DGKG: variants seen among roughly 807,000 people sequenced by gnomAD.
DGKG encodes the protein diacylglycerol kinase gamma.
A neutral mutation model predicts 105.3 loss-of-function variants in DGKG; 78 were observed. That is an observed-to-expected ratio of 0.74 (90% CI 0.62 to 0.89). The LOEUF (loss-of-function observed/expected upper bound fraction) is 0.89, where lower values mean the gene tolerates loss of function less well. Among genes scored for constraint, DGKG ranks in the 40% least tolerant of loss-of-function variants. DGKG has a pLI of 0.00. For missense variants in DGKG, 958 were observed against 1,020.1 expected, an observed-to-expected ratio of 0.94 and a Z score of 0.83; for synonymous variants, 346 against 367.1, an observed-to-expected ratio of 0.94 and a Z score of 0.66.
At chr3:186,269,977 A>C (rs1303776715) in intron 11 of DGKG, among the ~76,000 whole-genome samples, 1 of 152,080 alleles carries the variant, frequency 6.6e-6, no homozygotes, top group East Asian at 1.9e-4. Context: ...TCACTCAAAA[A>C]TTTTCACTAT....
rs573496866 is a variant in DGKG at position 186,241,066 on chromosome 3, A to G, written c.1826+1438T>C. ...GCTGTGGCAGGATGCACTTCCTAAA[A>G]GGTTCGTTCAGCTGCTATCGGATCC... On this transcript the variant is annotated intron_variant, in intron 20 of 24. Transcript: ENST00000265022. Among the ~76,000 whole-genome samples the G allele has an allele frequency of 2.6e-5, 4 of 152,200 alleles. No individual in the cohort carries two copies. The East Asian group carries it at 7.7e-4, about 29-fold the overall frequency.
chr3:186,238,292 T>TAAAA (rs5855085), intron 20 of DGKG, among the ~76,000 whole-genome samples: 9 of 81,216 alleles, frequency 1.1e-4, no homozygotes, highest in Admixed American at 4.9e-4. Context: ...TGACTCTTTC[T>TAAAA]AAAAAAAAAA....
intron 24 of DGKG, chr3:186,161,118 C>T (rs1210204564): frequency 2.0e-6 from 2 of 988,650 alleles, no homozygotes; most frequent in Non-Finnish European, 2.4e-6. Context: ...TGTCTGTGCT[C>T]TGCGAGGAAT....
In DGKG at chr3:186,229,530, C is replaced by T. The variant is rs553651165; in HGVS notation, c.1826+12974G>A. On this transcript the variant is annotated intron_variant, in intron 20 of 24. Transcript: ENST00000265022. ...AAAGTGCTGGGATTACAGGCATGAG[C>T]CACTGCGCCAGGCCAGACATGCAGC... 5.9e-5 allele frequency among the ~76,000 whole-genome samples: 9 copies of T among 152,324 alleles called. No individual in the cohort carries two copies. The South Asian group carries it at 1.9e-3, about 32-fold the overall frequency.
intron 23 of DGKG, among the ~76,000 whole-genome samples, chr3:186,162,671 C>A (rs1237738423): frequency 2.6e-5 from 4 of 151,966 alleles, no homozygotes; most frequent in African/African-American, 9.7e-5. Context: ...TCCCGAGTAA[C>A]TGGGACTATA....
chr3:186,148,886 C>T lies in DGKG; in HGVS notation c.*1204G>A, dbSNP rs1715620174. On this transcript the variant is annotated 3_prime_UTR_variant, in exon 25 of 25. Transcript: ENST00000265022. ...TGGGGGAGTGAGAACCTTCTTTTTCCTTACCACTTTCTGTCTCATACTACC... is the reference window on the plus strand; with the variant it reads ...TGGGGGAGTGAGAACCTTCTTTTTCTTTACCACTTTCTGTCTCATACTACC... 1.0e-6 allele frequency: 1 copy of T among 983,610 alleles called. No individual in the cohort carries two copies. Among genetic ancestry groups the T allele is most frequent in the South Asian group, 4.7e-5 (1 of 21,258 alleles). The allele number at this position is 983,610 out of a possible 1,614,324, so 60.9% of individuals were successfully genotyped here.
chr3:186,358,701 G>T (rs1727095186), intron 1 of DGKG, among the ~76,000 whole-genome samples: 1 of 150,902 alleles, frequency 6.6e-6, no homozygotes. Context: ...CTTATAAAGT[G>T]ACATCAGCTC....
intron 15 of DGKG, among the ~76,000 whole-genome samples, chr3:186,260,742 C>T (rs1721732734): frequency 6.6e-6 from 1 of 152,214 alleles, no homozygotes; most frequent in Admixed American, 6.5e-5. Flanking sequence ...ACCTAGACTC[C>T]AGCTCCTAAG....
At chr3:186,185,889 G>A (rs999665005) in intron 22 of DGKG, among the ~76,000 whole-genome samples, 13 of 151,924 alleles carry the variant, frequency 8.6e-5, no homozygotes, top group Admixed American at 8.5e-4. Context: ...CTGAGGGCAG[G>A]AGTTTGAGAC....
At chr3:186,320,372 G>T in intron 2 of DGKG, 21 bp downstream of exon 2, 1 of 1,613,890 alleles carries the variant, frequency 6.2e-7, no homozygotes, top group South Asian at 1.1e-5. Flanking sequence ...CCGTCCCAGG[G>T]CTGTCAATGC....
At chr3:186,344,154 A>C (rs1439771247) in intron 1 of DGKG, among the ~76,000 whole-genome samples, 1 of 152,258 alleles carries the variant, frequency 6.6e-6, no homozygotes, top group Non-Finnish European at 1.5e-5. Flanking sequence ...AAATTAGTTC[A>C]ACCATTGTGG....
chr3:186,292,109 C>T (rs974796294), intron 5 of DGKG, among the ~76,000 whole-genome samples: 2 of 152,172 alleles, frequency 1.3e-5, no homozygotes. Context: ...AAAATGCCAA[C>T]ACCCTCTTCC....
chr3:186,261,084 T>C (rs1033056242), intron 15 of DGKG, among the ~76,000 whole-genome samples: 10 of 152,220 alleles, frequency 6.6e-5, no homozygotes, highest in African/African-American at 2.4e-4. Flanking sequence ...AGGGGTGTCC[T>C]GCCCCTTGGA....
At chr3:186,262,125 G>A (rs539992570) in intron 14 of DGKG, among the ~76,000 whole-genome samples, 5 of 152,152 alleles carry the variant, frequency 3.3e-5, no homozygotes, top group Non-Finnish European at 5.9e-5. Flanking sequence ...AAGCACGGCC[G>A]TCTGATCATA....
intron 1 of DGKG, among the ~76,000 whole-genome samples, chr3:186,355,996 A>G (rs4686764): frequency 0.31 from 47,502 of 152,046 alleles, 7,782 homozygotes; most frequent in East Asian, 0.47. Flanking sequence ...TGACAAGATT[A>G]TTGGACGGAA....
At chr3:186,239,141 C>T (rs1443053187) in intron 20 of DGKG, among the ~76,000 whole-genome samples, 3 of 152,170 alleles carry the variant, frequency 2.0e-5, no homozygotes, top group East Asian at 3.8e-4. Flanking sequence ...GAATCAGCAA[C>T]GTGAATGATT....
At position 186,361,984 on chromosome 3, in the gene DGKG, G is replaced by C. The variant is rs1727253262; in HGVS notation, c.-287C>G. The C allele has an allele frequency of 6.6e-6, 1 of 152,290 alleles. No homozygotes were observed. Among genetic ancestry groups the C allele is most frequent in the African/African-American group, 2.4e-5 (1 of 41,448 alleles). 9.4% of individuals were successfully genotyped at this position (152,290 alleles called of 1,614,324 possible). Reference sequence around the variant, plus strand: ...ACTTGGTTGCGCGGTGGCCCGGGGCGCTCCTTCTTCGCGGTTTATTCCCTT... The same window carrying C: ...ACTTGGTTGCGCGGTGGCCCGGGGCCCTCCTTCTTCGCGGTTTATTCCCTT... On this transcript the variant is annotated 5_prime_UTR_variant, in exon 1 of 25. Coordinates refer to ENST00000265022, the MANE Select transcript of DGKG (RefSeq NM_001346.3). The surrounding 1 kb of genome is among the most constrained non-coding windows in gnomAD (Gnocchi z 6.8).
intron 22 of DGKG, among the ~76,000 whole-genome samples, chr3:186,175,979 G>C (rs932901926): frequency 2.6e-5 from 4 of 152,122 alleles, no homozygotes; most frequent in African/African-American, 9.7e-5. Context: ...ATACCCTAAA[G>C]CTGGAATTCA....
chr3:186,301,353 T>C (rs1238597364), intron 3 of DGKG, among the ~76,000 whole-genome samples: 1 of 152,004 alleles, frequency 6.6e-6, no homozygotes, highest in East Asian at 1.9e-4. Context: ...ATGTGACGGG[T>C]GCGGTGGCTC....
Sources: allele counts gnomAD v4.1 joint callset (sites outside exome capture counted in the v4.1 genomes callset), GRCh38; gene constraint gnomAD v4.1.1; non-coding constraint Gnocchi (gnomAD v3.1); transcripts MANE v1.5; gene names NCBI Gene and HGNC (gene_info 2026-07-23, HGNC 2026-07-21).